The following MYRIP variants were observed in gnomAD, a reference collection of about 807,000 sequenced individuals.
MYRIP encodes the protein rab effector MyRIP.
A neutral mutation model predicts 98.0 loss-of-function variants in MYRIP; 49 were observed. The observed-to-expected ratio is 0.50, with a 90% confidence interval of 0.40 to 0.63. MYRIP has a LOEUF of 0.63. Ranked by LOEUF, MYRIP falls within the 30% of genes least tolerant of loss-of-function variation. MYRIP has a pLI of 0.00. For synonymous variants in MYRIP, 404 were observed against 409.5 expected (o/e 0.99, Z 0.16); for missense variants, 1,004 against 1,058.2 (o/e 0.95, Z 0.71).
chr3:39,916,339 A>G (rs1944159178), intron 2 of MYRIP, among the ~76,000 whole-genome samples: 1 of 151,884 alleles, frequency 6.6e-6, no homozygotes, highest in Non-Finnish European at 1.5e-5. Flanking sequence ...AACACAAATT[A>G]TGGACAATTT....
chr3:39,862,861 A>G (rs1312769003), intron 1 of MYRIP, among the ~76,000 whole-genome samples: 1 of 152,186 alleles, frequency 6.6e-6, no homozygotes, highest in Non-Finnish European at 1.5e-5. Context: ...TGCACATGGT[A>G]TGTACTCTAA....
Position 39,874,392 on chromosome 3 carries a change from TGA to T in MYRIP, c.-30-26389_-30-26388del, listed in dbSNP as rs1273939392. Among the ~76,000 whole-genome samples, 8 of 151,920 alleles carry T rather than the reference TGA, an allele frequency of 5.3e-5. No homozygotes were observed. The East Asian group carries it at 1.5e-3, about 29-fold the overall frequency. On this transcript the variant is annotated intron_variant, in intron 1 of 16. Transcript: ENST00000302541. Reference sequence around the variant, plus strand: ...CCAACACTATGTTGAATAGGAGTGGTGAGAGAGGGCATCCCTGTCTTCTGCCA... The same window carrying T: ...CCAACACTATGTTGAATAGGAGTGGTGAGAGGGCATCCCTGTCTTCTGCCA...
chr3:40,099,729 C>T (rs1948906303), intron 3 of MYRIP, among the ~76,000 whole-genome samples: 1 of 152,180 alleles, frequency 6.6e-6, no homozygotes, highest in African/African-American at 2.4e-5. Context: ...GTATTAAGAA[C>T]ATTTAGCTAA....
chr3:40,055,350 T>A (rs1947863662), intron 3 of MYRIP, among the ~76,000 whole-genome samples: 3 of 152,204 alleles, frequency 2.0e-5, no homozygotes, highest in Admixed American at 2.0e-4. Flanking sequence ...TTATCTTTTG[T>A]TCAAGTGCCA....
intron 3 of MYRIP, among the ~76,000 whole-genome samples, chr3:40,128,038 C>T (rs575743572): frequency 6.6e-6 from 1 of 152,188 alleles, no homozygotes; most frequent in Non-Finnish European, 1.5e-5. Flanking sequence ...TTCTCTTTTA[C>T]TGCTGTTGAG....
At chr3:40,231,467 A>G (rs1952656298) in intron 11 of MYRIP, among the ~76,000 whole-genome samples, 3 of 152,220 alleles carry the variant, frequency 2.0e-5, no homozygotes, top group Admixed American at 6.5e-5. Context: ...TGGGAAGTGC[A>G]TATCTCACAG....
intron 3 of MYRIP, among the ~76,000 whole-genome samples, chr3:40,084,770 T>A (rs1948582276): frequency 6.0e-5 from 3 of 50,098 alleles, no homozygotes; most frequent in African/African-American, 1.1e-4. Context: ...TGTCGATAGA[T>A]AATATATATG....
At chr3:39,891,446 T>C (rs536924545) in intron 1 of MYRIP, among the ~76,000 whole-genome samples, 1 of 152,290 alleles carries the variant, frequency 6.6e-6, no homozygotes, top group East Asian at 1.9e-4. Context: ...GTGTACCACA[T>C]TTAATGTAAT....
chr3:40,218,630 A>ATATATATATTT (rs1952223990), intron 11 of MYRIP, among the ~76,000 whole-genome samples: 1 of 23,630 alleles, frequency 4.2e-5, no homozygotes, highest in South Asian at 1.7e-3. Flanking sequence ...ATATATATAT[A>ATATATATATTT]TATATATATA....
At chr3:40,087,381 T>C (rs1948651464) in intron 3 of MYRIP, among the ~76,000 whole-genome samples, 1 of 152,224 alleles carries the variant, frequency 6.6e-6, no homozygotes, top group Non-Finnish European at 1.5e-5. Context: ...TTATTATTGC[T>C]GCTGTTGTTA....
chr3:39,942,175 C>T (rs1355210396), intron 2 of MYRIP, among the ~76,000 whole-genome samples: 2 of 152,118 alleles, frequency 1.3e-5, no homozygotes, highest in Non-Finnish European at 2.9e-5. Flanking sequence ...CCTCTCCGTG[C>T]GTTCAGAGTT....
At chr3:40,058,322 T>C (rs1342308418) in intron 3 of MYRIP, among the ~76,000 whole-genome samples, 15 of 152,168 alleles carry the variant, frequency 9.9e-5, no homozygotes. Flanking sequence ...AACTTAAGTG[T>C]GTATTACTTT....
chr3:39,857,986 A>G (rs1479023122), intron 1 of MYRIP, among the ~76,000 whole-genome samples: 1 of 152,192 alleles, frequency 6.6e-6, no homozygotes. Context: ...AAACAAAGGA[A>G]CTACAAAGCA....
intron 3 of MYRIP, among the ~76,000 whole-genome samples, chr3:40,131,690 G>C (rs1028846886): frequency 8.5e-5 from 13 of 152,082 alleles, no homozygotes; most frequent in Admixed American, 7.2e-4. Flanking sequence ...CCACTATTTA[G>C]AGATATCAGC....
chr3:40,206,090 A>G lies in MYRIP; in HGVS notation c.1666-3764A>G, dbSNP rs367644654. Among the ~76,000 whole-genome samples, 35 of 152,272 alleles carry G rather than the reference A, an allele frequency of 2.3e-4. No homozygotes were observed. In the East Asian group the frequency reaches 3.9e-3, roughly 17 times the overall value. ...TGTGCGTGCATACCAAAGTTTGTGA[A>G]CAATATCAGGGGTCCACAGAGGCCC... is the stretch of plus-strand genomic sequence containing the variant. On this transcript the variant is annotated intron_variant, in intron 10 of 16. Transcript: ENST00000302541.
At chr3:40,230,126 T>C (rs1312181739) in intron 11 of MYRIP, among the ~76,000 whole-genome samples, 2 of 152,180 alleles carry the variant, frequency 1.3e-5, no homozygotes, top group African/African-American at 2.4e-5. Context: ...TCCTATTGTG[T>C]CAGCTGACTC....
At chr3:39,857,462 T>C (rs1942339788) in intron 1 of MYRIP, among the ~76,000 whole-genome samples, 1 of 152,038 alleles carries the variant, frequency 6.6e-6, no homozygotes, top group Non-Finnish European at 1.5e-5. Context: ...GAACAAATAA[T>C]TCAATAGAGA....
At chr3:40,082,045 C>T (rs551542317) in intron 3 of MYRIP, among the ~76,000 whole-genome samples, 2 of 152,078 alleles carry the variant, frequency 1.3e-5, no homozygotes, top group African/African-American at 2.4e-5. Flanking sequence ...TGTGTATATA[C>T]CACATTTTCT....
chr3:39,815,689 A>G (rs757823583), intron 1 of MYRIP, among the ~76,000 whole-genome samples: 2 of 152,108 alleles, frequency 1.3e-5, no homozygotes, highest in Admixed American at 6.6e-5. Flanking sequence ...AACTGTTTAT[A>G]TATTTTTTCC....
Sources: allele counts gnomAD v4.1 joint callset (sites outside exome capture counted in the v4.1 genomes callset), GRCh38; gene constraint gnomAD v4.1.1; transcripts MANE v1.5; gene names NCBI Gene and HGNC (gene_info 2026-07-23, HGNC 2026-07-21).